Variants in NUTM2B observed in about 807,000 individuals in gnomAD.
NUTM2B encodes the protein family with sequence similarity 22, member B.
A neutral mutation model predicts 42.4 loss-of-function variants in NUTM2B; 2 were observed. The ratio of observed to expected loss-of-function variants is 0.05; its 90% CI spans 0.02 to 0.15. The LOEUF (loss-of-function observed/expected upper bound fraction) is 0.15, where lower values mean the gene tolerates loss of function less well. Among genes scored for constraint, NUTM2B ranks in the 10% least tolerant of loss-of-function variants. The pLI is 1.00. For synonymous variants in NUTM2B, 18 were observed against 402.4 expected, an observed-to-expected ratio of 0.04 and a Z score of 11.43; for missense variants, 58 against 952.6, an observed-to-expected ratio of 0.06 and a Z score of 12.36.
At chr10:79,698,224 T>C in the NUTM2B span, among the ~76,000 whole-genome samples, 1 of 149,700 alleles carries the variant, frequency 6.7e-6, no homozygotes, top group Non-Finnish European at 1.5e-5. Flanking sequence ...ACAACTTTCA[T>C]ATACCCATGG....
chr10:79,697,451 T>C, the NUTM2B span, among the ~76,000 whole-genome samples: 8 of 152,070 alleles, frequency 5.3e-5, no homozygotes, highest in African/African-American at 1.4e-4. Flanking sequence ...ACTTAAGAAA[T>C]AGACTGTGAC....
At chr10:79,711,677 A>G (rs1192811535) in intron 6 of NUTM2B, 23 bp from the exon 7 acceptor site, 1 of 1,610,262 alleles carries the variant, frequency 6.2e-7, no homozygotes, top group African/African-American at 1.3e-5. Context: ...CAGTGCCAGT[A>G]AGTGCCCCCT....
At chr10:79,695,536 T>C in the NUTM2B span, among the ~76,000 whole-genome samples, 1 of 152,092 alleles carries the variant, frequency 6.6e-6, no homozygotes, top group Admixed American at 6.5e-5. Flanking sequence ...ACAGGTTGGT[T>C]GAGAACTGGT....
upstream of NUTM2B, among the ~76,000 whole-genome samples, chr10:79,700,724 C>A (rs1251897558): frequency 6.6e-6 from 1 of 152,212 alleles, no homozygotes; most frequent in Admixed American, 6.5e-5. Context: ...CTGCGCGTCT[C>A]CCTGCCATCA....
At chr10:79,696,345 A>C in the NUTM2B span, among the ~76,000 whole-genome samples, 1 of 152,080 alleles carries the variant, frequency 6.6e-6, no homozygotes. Flanking sequence ...AAGCCAGTAC[A>C]AGCCAGCTCC....
chr10:79,694,397 C>CA, the NUTM2B span, among the ~76,000 whole-genome samples: 173 of 126,436 alleles, frequency 1.4e-3, 1 homozygote, highest in Middle Eastern at 4.5e-3. Context: ...GACTCTGTCT[C>CA]AAAAAAAAAA....
At chr10:79,699,143 T>A (rs1237211289), upstream of NUTM2B, among the ~76,000 whole-genome samples, 2 of 151,948 alleles carry the variant, frequency 1.3e-5, no homozygotes, top group Admixed American at 1.3e-4. Context: ...GCCCTGAGTA[T>A]ACAAATGGTC....
At chr10:79,709,855 A>C in exon 4 of NUTM2B, 1 of 950,452 alleles carries the variant, frequency 1.1e-6, no homozygotes, top group Non-Finnish European at 1.4e-6. Context: ...GCAATGGATG[A>C]AGGGGCCCCA....
intron 5 of NUTM2B, 23 bp from the exon 6 acceptor site, chr10:79,711,227 C>G: frequency 6.3e-7 from 1 of 1,595,144 alleles, no homozygotes; most frequent in Admixed American, 1.7e-5. Flanking sequence ...AGGAAGCTCA[C>G]GCCTTCTTCC....
upstream of NUTM2B, among the ~76,000 whole-genome samples, chr10:79,701,368 T>C (rs1742196): frequency 2.3e-3 from 343 of 150,388 alleles, 6 homozygotes; most frequent in African/African-American, 7.9e-3. Flanking sequence ...ACACTCCCCA[T>C]CCCTGACTCT....
chr10:79,699,732 C>G (rs1355184706), upstream of NUTM2B, among the ~76,000 whole-genome samples: 1 of 152,162 alleles, frequency 6.6e-6, no homozygotes, highest in Non-Finnish European at 1.5e-5. Context: ...TGTGAGCCAC[C>G]GTGCCCGGCC....
At chr10:79,696,469 A>G in the NUTM2B span, among the ~76,000 whole-genome samples, 1 of 151,210 alleles carries the variant, frequency 6.6e-6, no homozygotes, top group African/African-American at 2.4e-5. Flanking sequence ...GTACCTCCAG[A>G]ACACAACCTC....
chr10:79,695,280 C>G, the NUTM2B span, among the ~76,000 whole-genome samples: 3 of 152,170 alleles, frequency 2.0e-5, no homozygotes, highest in African/African-American at 7.2e-5. Flanking sequence ...CCAAGAGCAG[C>G]TAAGGAATCA....
At chr10:79,695,983 G>C in the NUTM2B span, among the ~76,000 whole-genome samples, 1 of 147,190 alleles carries the variant, frequency 6.8e-6, no homozygotes, top group Non-Finnish European at 1.5e-5. Flanking sequence ...ACCTATTTAG[G>C]AGTAACACAG....
At chr10:79,701,313 A>C (rs1840310182), upstream of NUTM2B, among the ~76,000 whole-genome samples, 1 of 152,076 alleles carries the variant, frequency 6.6e-6, no homozygotes, top group South Asian at 2.1e-4. Flanking sequence ...TGTAGCCTTG[A>C]TCAATTTCAG....
At chr10:79,693,301 C>A in the NUTM2B span, among the ~76,000 whole-genome samples, 1 of 152,232 alleles carries the variant, frequency 6.6e-6, no homozygotes, top group Non-Finnish European at 1.5e-5. Flanking sequence ...CTCAGACCCA[C>A]TGCTGTGTCA....
At chr10:79,702,559 T>A (rs1469803133), upstream of NUTM2B, among the ~76,000 whole-genome samples, 7 of 151,326 alleles carry the variant, frequency 4.6e-5, no homozygotes, top group Admixed American at 4.6e-4. Context: ...AGTCCAAATG[T>A]CTTCAAAAGG....
At chr10:79,693,835 A>G in the NUTM2B span, among the ~76,000 whole-genome samples, 2 of 152,226 alleles carry the variant, frequency 1.3e-5, no homozygotes, top group African/African-American at 4.8e-5. Context: ...ACTACCAGGA[A>G]TCCATTTGTA....
chr10:79,692,915 T>C, the NUTM2B span, among the ~76,000 whole-genome samples: 1 of 149,728 alleles, frequency 6.7e-6, no homozygotes, highest in Non-Finnish European at 1.5e-5. Context: ...AAGAAGGACA[T>C]AGACCACTGA....
Sources: allele counts gnomAD v4.1 joint callset (sites outside exome capture counted in the v4.1 genomes callset), GRCh38; gene constraint gnomAD v4.1.1; transcripts MANE v1.5; gene names NCBI Gene and HGNC (gene_info 2026-07-23, HGNC 2026-07-21).